IGSF5: variants seen among roughly 807,000 people sequenced by gnomAD.
IGSF5 encodes immunoglobulin superfamily 5 like.
IGSF5 carries 41 observed loss-of-function variants against 39.4 expected under a neutral mutation model. That is an observed-to-expected ratio of 1.04 (90% CI 0.81 to 1.35). The LOEUF (loss-of-function observed/expected upper bound fraction) is 1.35, where lower values mean the gene tolerates loss of function less well. IGSF5 is among the 40% of genes most tolerant of loss of function. The pLI, the probability that IGSF5 is intolerant of heterozygous loss-of-function variation, is 0.00. For synonymous variants in IGSF5, 183 were observed against 175.3 expected (o/e 1.04, Z -0.34); for missense variants, 487 against 494.6 (o/e 0.98, Z 0.15).
At chr21:39,749,557 G>A (rs1279118831) in intron 2 of IGSF5, among the ~76,000 whole-genome samples, 4 of 152,310 alleles carry the variant, frequency 2.6e-5, no homozygotes, top group Admixed American at 6.5e-5. Context: ...GGTTAAGGAC[G>A]CACCTATGAC....
chr21:39,723,659 GT>G, the IGSF5 span, among the ~76,000 whole-genome samples: 2 of 152,136 alleles, frequency 1.3e-5, no homozygotes, highest in Non-Finnish European at 2.9e-5. Context: ...AACTATAAAG[GT>G]TATGGGTCAA....
chr21:39,788,579 C>G (rs2086939467), intron 6 of IGSF5, among the ~76,000 whole-genome samples: 1 of 152,226 alleles, frequency 6.6e-6, no homozygotes, highest in African/African-American at 2.4e-5. Context: ...TAGTGGAGAG[C>G]AGTGAGCCAA....
chr21:39,730,857 C>T, the IGSF5 span, among the ~76,000 whole-genome samples: 48 of 152,300 alleles, frequency 3.2e-4, no homozygotes, highest in South Asian at 9.6e-3. Context: ...TGCTTTTTGT[C>T]CAACTATTCG....
intron 8 of IGSF5, among the ~76,000 whole-genome samples, chr21:39,799,046 G>C (rs1048943305): frequency 6.6e-6 from 1 of 152,138 alleles, no homozygotes; most frequent in South Asian, 2.1e-4. Context: ...TCAGGGGGAC[G>C]CTGGGTTGTA....
Position 39,801,539 on chromosome 21 carries a change from A to C in IGSF5, c.*182A>C, listed in dbSNP as rs2087029651. ...AAGGAATCGATTTTCCCAGAGTTCA[A>C]AGTAGAATGTGACTTTTAAGAGGTT... On this transcript the variant is annotated 3_prime_UTR_variant, in exon 9 of 9. Coordinates refer to ENST00000380588, the MANE Select transcript of IGSF5 (RefSeq NM_001080444.2). 2.2e-6 allele frequency: 1 copy of C among 464,420 alleles called. No individual in the cohort carries two copies. Among genetic ancestry groups the C allele is most frequent in the Non-Finnish European group, 3.8e-6 (1 of 261,328 alleles). 28.8% of individuals were successfully genotyped at this position (464,420 alleles called of 1,614,324 possible). A position where few individuals can be genotyped will look rare whatever the true frequency, so the allele number is the denominator to read the frequency against.
chr21:39,790,423 G>C (rs2086957101), intron 6 of IGSF5, among the ~76,000 whole-genome samples: 1 of 152,130 alleles, frequency 6.6e-6, no homozygotes, highest in Admixed American at 6.5e-5. Flanking sequence ...GCTTTGGGAG[G>C]CCAAAGCAGT....
At chr21:39,714,894 C>G in the IGSF5 span, among the ~76,000 whole-genome samples, 1 of 152,102 alleles carries the variant, frequency 6.6e-6, no homozygotes, top group Non-Finnish European at 1.5e-5. Flanking sequence ...TCAATTCAGC[C>G]CATAACTTGT....
chr21:39,775,113 G>A (rs1020008469), intron 4 of IGSF5, among the ~76,000 whole-genome samples: 1 of 151,992 alleles, frequency 6.6e-6, no homozygotes, highest in East Asian at 1.9e-4. Context: ...ACTCTAATGG[G>A]CAGCCAGGAT....
chr21:39,734,542 A>G, the IGSF5 span, among the ~76,000 whole-genome samples: 3 of 151,410 alleles, frequency 2.0e-5, no homozygotes, highest in Admixed American at 1.3e-4. Context: ...CGCTTCACCT[A>G]TTTATCTCTC....
At chr21:39,748,200 G>A (rs574555894) in intron 2 of IGSF5, among the ~76,000 whole-genome samples, 51 of 150,528 alleles carry the variant, frequency 3.4e-4, no homozygotes, top group African/African-American at 4.9e-4. Flanking sequence ...CAGAGTCAGC[G>A]TCTTGGTGAG....
chr21:39,745,296 G>A lies in IGSF5; in HGVS notation c.-214G>A. On this transcript the variant is annotated 5_prime_UTR_variant, in exon 1 of 9. Transcript: ENST00000380588. The stretch of plus-strand genomic sequence containing the variant: ...AGAGCTGTATACCTAAATTAGGAGG[G>A]ACGCCAGGGATAAGACTCCCTGGGC... 3 of 448,910 alleles carry A rather than the reference G, an allele frequency of 6.7e-6. No individual in the cohort carries two copies. Among genetic ancestry groups the A allele is most frequent in the South Asian group, 5.4e-5 (2 of 36,724 alleles). 27.8% of individuals were successfully genotyped at this position (448,910 alleles called of 1,614,324 possible).
the IGSF5 span, among the ~76,000 whole-genome samples, chr21:39,737,195 A>C: frequency 1.3e-5 from 2 of 150,670 alleles, no homozygotes; most frequent in East Asian, 2.0e-4. Context: ...AAAAAAAAAA[A>C]CCCCTCACCA....
intron 2 of IGSF5, among the ~76,000 whole-genome samples, chr21:39,764,877 A>G (rs1001390231): frequency 6.6e-6 from 1 of 152,172 alleles, no homozygotes; most frequent in African/African-American, 2.4e-5. Flanking sequence ...CAGAAGGGAA[A>G]AGAGTACGAA....
chr21:39,717,728 A>G, the IGSF5 span, among the ~76,000 whole-genome samples: 121 of 152,238 alleles, frequency 7.9e-4, 1 homozygote, highest in African/African-American at 2.8e-3. Flanking sequence ...GTACCATGCT[A>G]TTTTGGACAC....
chr21:39,719,135 T>C, the IGSF5 span, among the ~76,000 whole-genome samples: 1 of 152,210 alleles, frequency 6.6e-6, no homozygotes, highest in African/African-American at 2.4e-5. Flanking sequence ...TTTGTGTGCA[T>C]AGAGGTCAAA....
the IGSF5 span, among the ~76,000 whole-genome samples, chr21:39,736,908 T>C: frequency 6.6e-6 from 1 of 152,154 alleles, no homozygotes; most frequent in Non-Finnish European, 1.5e-5. Context: ...TGACGCATGA[T>C]GACAGAGGCC....
intron 2 of IGSF5, among the ~76,000 whole-genome samples, chr21:39,753,846 A>G (rs752559004): frequency 9.2e-5 from 14 of 151,446 alleles, no homozygotes; most frequent in Non-Finnish European, 1.8e-4. Context: ...TCTTTCTCCA[A>G]CCTTTCACCT....
At chr21:39,717,684 T>G in the IGSF5 span, among the ~76,000 whole-genome samples, 1 of 152,216 alleles carries the variant, frequency 6.6e-6, no homozygotes, top group Non-Finnish European at 1.5e-5. Context: ...CTCTCTATTC[T>G]GTTCCATTGG....
chr21:39,765,278 G>A (rs933352377), intron 2 of IGSF5, among the ~76,000 whole-genome samples: 1 of 152,172 alleles, frequency 6.6e-6, no homozygotes, highest in African/African-American at 2.4e-5. Context: ...CGGTGGACAT[G>A]TGTTTTGAGG....
Sources: allele counts gnomAD v4.1 joint callset (sites outside exome capture counted in the v4.1 genomes callset), GRCh38; gene constraint gnomAD v4.1.1; transcripts MANE v1.5; gene names NCBI Gene and HGNC (gene_info 2026-07-23, HGNC 2026-07-21).